Variants in NRF1 observed in about 807,000 individuals in gnomAD.
The protein encoded by NRF1 is alpha palindromic-binding protein.
In NRF1, 5 loss-of-function variants were observed where a neutral mutation model predicts 58.5. That is an observed-to-expected ratio of 0.09 (90% CI 0.04 to 0.18). NRF1 has a LOEUF of 0.18. Ranked by LOEUF, NRF1 falls within the 10% of genes least tolerant of loss-of-function variation. The pLI, the probability that NRF1 is intolerant of heterozygous loss-of-function variation, is 1.00. For missense variants in NRF1, 288 were observed against 657.7 expected, an observed-to-expected ratio of 0.44 and a Z score of 6.15; for synonymous variants, 224 against 246.7, an observed-to-expected ratio of 0.91 and a Z score of 0.86.
intron 1 of NRF1, among the ~76,000 whole-genome samples, chr7:129,619,638 T>TGGA (rs1240017596): frequency 6.7e-6 from 1 of 149,750 alleles, no homozygotes; most frequent in Non-Finnish European, 1.5e-5. Flanking sequence ...TAGGTCCTGT[T>TGGA]CTTCCATGTC....
intron 10 of NRF1, among the ~76,000 whole-genome samples, chr7:129,742,288 A>C (rs954012458): frequency 7.3e-5 from 11 of 151,538 alleles, no homozygotes; most frequent in Admixed American, 2.0e-4. Context: ...AAAAAAAAAA[A>C]AAAACAAAAA....
At chr7:129,631,554 A>G (rs979468313) in intron 1 of NRF1, among the ~76,000 whole-genome samples, 10 of 152,134 alleles carry the variant, frequency 6.6e-5, no homozygotes, top group African/African-American at 2.2e-4. Context: ...GGTGTGAGCC[A>G]TGGAGGCTGG....
At chr7:129,697,648 A>T (rs2116145166) in intron 5 of NRF1, among the ~76,000 whole-genome samples, 1 of 152,272 alleles carries the variant, frequency 6.6e-6, no homozygotes, top group South Asian at 2.1e-4. Flanking sequence ...AGTGCTTTTT[A>T]AAAAATCTTT....
intron 2 of NRF1, among the ~76,000 whole-genome samples, chr7:129,669,153 G>T (rs1421701913): frequency 6.6e-6 from 1 of 152,066 alleles, no homozygotes; most frequent in African/African-American, 2.4e-5. Context: ...CACCATATTG[G>T]CCAGGCTGGT....
chr7:129,726,704 A>C (rs1562984905), intron 9 of NRF1, among the ~76,000 whole-genome samples: 1 of 152,252 alleles, frequency 6.6e-6, no homozygotes, highest in African/African-American at 2.4e-5. Context: ...TTTGAAAAGC[A>C]TAACTATAAA....
chr7:129,667,921 A>T (rs1053301104), intron 2 of NRF1, among the ~76,000 whole-genome samples: 1 of 152,046 alleles, frequency 6.6e-6, no homozygotes, highest in African/African-American at 2.4e-5. Context: ...GGTGTGCAGC[A>T]CCATGCCTGG....
At chr7:129,611,886 C>T (rs1190291700) in intron 1 of NRF1, 62 bp downstream of exon 1, 1 of 149,424 alleles carries the variant, frequency 6.7e-6, no homozygotes, top group African/African-American at 2.4e-5. Context: ...AACACGCCGC[C>T]CGCCCGCCGG....
At chr7:129,635,148 T>G (rs1054765788) in intron 1 of NRF1, among the ~76,000 whole-genome samples, 1 of 152,184 alleles carries the variant, frequency 6.6e-6, no homozygotes, top group African/African-American at 2.4e-5. Flanking sequence ...GTTGAGATTG[T>G]AGCATTAAGT....
At chr7:129,697,296 C>T (rs1318643485) in intron 5 of NRF1, among the ~76,000 whole-genome samples, 1 of 151,764 alleles carries the variant, frequency 6.6e-6, no homozygotes, top group South Asian at 2.1e-4. Flanking sequence ...GTAATCCCAG[C>T]ACTTTGGGAG....
intron 2 of NRF1, 49 bp downstream of exon 2, chr7:129,657,623 T>TTTG: frequency 7.3e-7 from 1 of 1,366,910 alleles, no homozygotes; most frequent in Non-Finnish European, 1.0e-6. Context: ...TTTTTTTTTT[T>TTTG]TTTGGAGACA....
chr7:129,673,511 C>T (rs559678485), intron 3 of NRF1, among the ~76,000 whole-genome samples: 4 of 151,674 alleles, frequency 2.6e-5, no homozygotes, highest in South Asian at 2.1e-4. Flanking sequence ...GGGCGGATCA[C>T]GAGGTCAGGA....
intron 5 of NRF1, among the ~76,000 whole-genome samples, chr7:129,704,233 C>A (rs1009496633): frequency 3.3e-5 from 5 of 152,012 alleles, no homozygotes; most frequent in African/African-American, 1.2e-4. Context: ...CAATTTGTTC[C>A]TTCTTGGTTC....
intron 9 of NRF1, among the ~76,000 whole-genome samples, chr7:129,717,718 C>G (rs1803225386): frequency 6.6e-6 from 1 of 152,200 alleles, no homozygotes; most frequent in Admixed American, 6.5e-5. Flanking sequence ...CCTGCCGCCA[C>G]CCAGCCCCAA....
chr7:129,679,800 G>T (rs1465849412), intron 4 of NRF1, among the ~76,000 whole-genome samples: 2 of 151,626 alleles, frequency 1.3e-5, no homozygotes, highest in East Asian at 3.9e-4. Flanking sequence ...GCTCACGCCT[G>T]TAATCCTAGC....
intron 1 of NRF1, among the ~76,000 whole-genome samples, chr7:129,642,123 C>T (rs554072201): frequency 7.1e-4 from 108 of 152,056 alleles, no homozygotes; most frequent in African/African-American, 2.6e-3. Context: ...GGATTACAGG[C>T]ACTCGCCACC....
chr7:129,754,340 G>C (rs1804195764), intron 10 of NRF1, among the ~76,000 whole-genome samples: 1 of 151,514 alleles, frequency 6.6e-6, no homozygotes, highest in Admixed American at 6.6e-5. Context: ...GCACACGCCT[G>C]TGGTTCCAGC....
chr7:129,634,674 G>A (rs1414474701), intron 1 of NRF1, among the ~76,000 whole-genome samples: 3 of 152,290 alleles, frequency 2.0e-5, no homozygotes, highest in East Asian at 3.9e-4. Context: ...GTTTTTGTGT[G>A]GACATAAGTT....
rs781354757 is a variant in NRF1, at chr7:129,756,777, T to G, written c.*1596T>G. 1 of 152,668 alleles carries G rather than the reference T, an allele frequency of 6.6e-6. No homozygotes were observed. The highest frequency in any genetic ancestry group is 6.5e-5 in the Admixed American group (1 of 15,280). 9.5% of individuals were successfully genotyped at this position (152,668 alleles called of 1,614,324 possible). Reference sequence around the variant, plus strand: ...TATTTGCTTGTTTTATATAAAACTATCTAATGTTCTTTATATGTTCTTTTC... The same window carrying G: ...TATTTGCTTGTTTTATATAAAACTAGCTAATGTTCTTTATATGTTCTTTTC... On this transcript the variant is annotated 3_prime_UTR_variant, in exon 11 of 11. Transcript: ENST00000393232.
At chr7:129,626,128 T>A (rs529244469) in intron 1 of NRF1, among the ~76,000 whole-genome samples, 2 of 152,362 alleles carry the variant, frequency 1.3e-5, no homozygotes, top group South Asian at 4.1e-4. Flanking sequence ...CTGAATTGCC[T>A]TAATTTTAAG....
Sources: gnomAD v4.1 joint callset for allele counts (sites outside exome capture counted in the v4.1 genomes callset) on GRCh38, gnomAD v4.1.1 for gene constraint, MANE v1.5 for transcripts, NCBI Gene and HGNC (gene_info 2026-07-23, HGNC 2026-07-21) for gene names.